The following GABRB2 variants were observed in gnomAD, a reference collection of about 807,000 sequenced individuals.
GABRB2 encodes gamma-aminobutyric acid receptor subunit beta-2.
GABRB2 carries 16 observed loss-of-function variants against 54.7 expected under a neutral mutation model. The ratio of observed to expected loss-of-function variants is 0.29; its 90% confidence interval spans 0.20 to 0.44. The LOEUF (loss-of-function observed/expected upper bound fraction) is 0.44. GABRB2 is among the 20% of genes least tolerant of loss of function. The pLI, the probability that GABRB2 is intolerant of heterozygous loss-of-function variation, is 1.00. For missense variants in GABRB2, 355 were observed against 644.0 expected (o/e 0.55, Z 4.86); for synonymous variants, 244 against 233.8 (o/e 1.04, Z -0.40).
chr5:161,330,630 G>A, intron 8 of GABRB2: 1 of 474,424 alleles, frequency 2.1e-6, no homozygotes, highest in South Asian at 3.1e-5. Flanking sequence ...TACTCAATAT[G>A]TGAGAAAGCA....
intron 5 of GABRB2, among the ~76,000 whole-genome samples, chr5:161,369,696 T>A (rs1193063543): frequency 1.3e-5 from 2 of 152,124 alleles, no homozygotes; most frequent in Non-Finnish European, 2.9e-5. Flanking sequence ...AAACTTCACA[T>A]GGAATTTTCA....
At chr5:161,544,482 C>G (rs1195555531) in intron 3 of GABRB2, among the ~76,000 whole-genome samples, 2 of 152,184 alleles carry the variant, frequency 1.3e-5, no homozygotes, top group Non-Finnish European at 2.9e-5. Context: ...GAAGCAAACC[C>G]CCCAACACGT....
chr5:161,348,874 G>A (rs1453561148), intron 5 of GABRB2, among the ~76,000 whole-genome samples: 1 of 151,972 alleles, frequency 6.6e-6, no homozygotes, highest in Non-Finnish European at 1.5e-5. Context: ...ATGAAGTGGA[G>A]CTTGTATATT....
chr5:161,333,611 C>T lies in GABRB2; in HGVS notation c.832+1141G>A, dbSNP rs549368271. On this transcript the variant is annotated intron_variant, in intron 7 of 9. Transcript: ENST00000393959. ...AAGCAAAGCCTTTGTCGTGGCCTAC[C>T]ATCCCTTTGTAATAGCCCTTTTGTG... Among the ~76,000 whole-genome samples, 7 of 152,154 alleles carry T rather than the reference C, an allele frequency of 4.6e-5. No individual in the cohort carries two copies. In the East Asian group the frequency reaches 1.4e-3, roughly 29 times the overall value.
intron 5 of GABRB2, among the ~76,000 whole-genome samples, chr5:161,364,669 T>G (rs76692503): frequency 0.019 from 2,833 of 152,218 alleles, 104 homozygotes; most frequent in African/African-American, 0.064. Context: ...AAAAATAACT[T>G]TTGATACTTC....
chr5:161,429,468 C>G (rs1429352134), intron 4 of GABRB2, among the ~76,000 whole-genome samples: 1 of 151,214 alleles, frequency 6.6e-6, no homozygotes, highest in Non-Finnish European at 1.5e-5. Flanking sequence ...GAAAGATATA[C>G]CAGATTTTGC....
chr5:161,407,122 G>A (rs1045824216), intron 5 of GABRB2, among the ~76,000 whole-genome samples: 2 of 152,050 alleles, frequency 1.3e-5, no homozygotes, highest in African/African-American at 4.8e-5. Flanking sequence ...TTTCAGACAA[G>A]CAGTTCACAC....
chr5:161,382,517 A>C (rs547659394), intron 5 of GABRB2, among the ~76,000 whole-genome samples: 10 of 151,968 alleles, frequency 6.6e-5, no homozygotes, highest in Admixed American at 3.3e-4. Context: ...TTAAAAAAAA[A>C]GACTGCTTAT....
intron 5 of GABRB2, among the ~76,000 whole-genome samples, chr5:161,367,762 A>C (rs1204888686): frequency 6.6e-6 from 1 of 152,212 alleles, no homozygotes; most frequent in Non-Finnish European, 1.5e-5. Flanking sequence ...CACATGTTCC[A>C]AAGTTCAGTG....
At chr5:161,457,655 T>G (rs919536740) in intron 4 of GABRB2, among the ~76,000 whole-genome samples, 1 of 151,930 alleles carries the variant, frequency 6.6e-6, no homozygotes, top group East Asian at 1.9e-4. Context: ...ACCGTGTTAG[T>G]CAGGATGGTC....
chr5:161,415,922 T>TTTTTGTTTG (rs1756652133), intron 4 of GABRB2, among the ~76,000 whole-genome samples: 1 of 146,004 alleles, frequency 6.8e-6, no homozygotes, highest in Non-Finnish European at 1.5e-5. Context: ...CCCAAGTTTG[T>TTTTTGTTTG]TTTTGTTTTG....
intron 3 of GABRB2, among the ~76,000 whole-genome samples, chr5:161,506,036 GTA>G (rs754792115): frequency 4.0e-5 from 6 of 151,044 alleles, no homozygotes; most frequent in African/African-American, 7.3e-5. Flanking sequence ...GATTTTGTGT[GTA>G]TATATATATA....
chr5:161,547,604 T>C (rs116691957), upstream of GABRB2, among the ~76,000 whole-genome samples: 817 of 152,068 alleles, frequency 5.4e-3, 7 homozygotes, highest in Non-Finnish European at 8.1e-3. Flanking sequence ...AGAAAGGCAA[T>C]GCTGTCTCTC....
In GABRB2 at chr5:161,289,293, A is replaced by C. The variant is rs1319331028; in HGVS notation, c.*4788T>G. On this transcript the variant is annotated 3_prime_UTR_variant, in exon 10 of 10. Coordinates refer to ENST00000393959, the MANE Select transcript of GABRB2 (RefSeq NM_001371727.1). ...CAGTATCTTCATTAGCATTCTGTTC[A>C]CTCCTTTCTGGTTTTTACAATGTTC... 1 of 90,110 alleles carries C rather than the reference A, an allele frequency of 1.1e-5. No homozygotes were observed. Among genetic ancestry groups the C allele is most frequent in the African/African-American group, 5.2e-5 (1 of 19,408 alleles). The allele number at this position is 90,110 out of a possible 1,614,324, so 5.6% of individuals were successfully genotyped here.
chr5:161,308,891 C>T (rs1321924134), intron 9 of GABRB2, among the ~76,000 whole-genome samples: 1 of 152,148 alleles, frequency 6.6e-6, no homozygotes, highest in South Asian at 2.1e-4. Flanking sequence ...AAATGTAAAA[C>T]CTAAAATGAT....
At chr5:161,541,692 G>A (rs1474937635) in intron 3 of GABRB2, among the ~76,000 whole-genome samples, 1 of 152,184 alleles carries the variant, frequency 6.6e-6, no homozygotes, top group Admixed American at 6.5e-5. Context: ...AATACAGTTA[G>A]GGTCTTGTTC....
intron 5 of GABRB2, among the ~76,000 whole-genome samples, chr5:161,393,518 C>A (rs1001736658): frequency 3.3e-5 from 5 of 151,542 alleles, no homozygotes; most frequent in Non-Finnish European, 7.4e-5. Context: ...CTGAAAGAAC[C>A]ACTTTAAATA....
At chr5:161,545,086 T>C in intron 3 of GABRB2, 141 bp downstream of exon 3, 3 of 551,538 alleles carry the variant, frequency 5.4e-6, no homozygotes, top group Non-Finnish European at 9.6e-6. Context: ...ACACAGGGTA[T>C]TCTAGGGTGA....
intron 3 of GABRB2, among the ~76,000 whole-genome samples, chr5:161,522,924 T>C (rs2113435352): frequency 6.6e-6 from 1 of 151,682 alleles, no homozygotes; most frequent in Admixed American, 6.6e-5. Flanking sequence ...TGACATCATG[T>C]AAAATTAAAT....
Sources: gnomAD v4.1 joint callset for allele counts (sites outside exome capture counted in the v4.1 genomes callset) on GRCh38, gnomAD v4.1.1 for gene constraint, MANE v1.5 for transcripts, NCBI Gene and HGNC (gene_info 2026-07-23, HGNC 2026-07-21) for gene names.